The following TNS1 variants were observed in gnomAD, a reference collection of about 807,000 sequenced individuals.
TNS1 encodes the protein tensin 1, also known as tensin-1.
In TNS1, 62 loss-of-function variants were observed where a neutral mutation model predicts 168.6. That is an observed-to-expected ratio of 0.37 (90% CI 0.30 to 0.45). TNS1 has a LOEUF of 0.45. TNS1 is among the 20% of genes least tolerant of loss of function. TNS1 has a pLI of 1.00. For missense variants in TNS1, 2,240 were observed against 2,339.4 expected, an observed-to-expected ratio of 0.96 and a Z score of 0.88; for synonymous variants, 934 against 933.2, an observed-to-expected ratio of 1.00 and a Z score of -0.02.
Position 217,848,747 on chromosome 2 carries a change from G to T in TNS1, c.1770C>A (p.Ser590=). ...GAMYHTQHLR[S]RPAGGSAVPS... ...GCACAGCCGAGCCCCCTGCTGGGCG[G>T]GACCTGAGGTGCTGGGTGTGGTACA... Residue 590 remains serine, a synonymous_variant, in exon 19 of 33, where the codon TCC becomes TCA. Transcript: ENST00000682258. The T allele has an allele frequency of 6.2e-7, 1 of 1,614,212 alleles. No homozygotes were observed. Among genetic ancestry groups the T allele is most frequent in the African/African-American group, 1.3e-5 (1 of 75,068 alleles).
intron 30 of TNS1, among the ~76,000 whole-genome samples, chr2:217,809,392 G>C (rs370050818): frequency 6.5e-4 from 83 of 127,962 alleles, no homozygotes; most frequent in South Asian, 8.2e-4. Context: ...TGGATGGATG[G>C]ATGGATGGAT....
At chr2:217,972,938 A>G (rs1957804721) in intron 3 of TNS1, among the ~76,000 whole-genome samples, 1 of 152,256 alleles carries the variant, frequency 6.6e-6, no homozygotes, top group Admixed American at 6.5e-5. Context: ...AGTTTTACTT[A>G]AAATAATAAA....
rs200236649 is a variant in TNS1, at chr2:217,865,532, G to T, written c.1429+15366C>A. ...TCTCACTGCCCCTGGAGAAGGAGAA[G>T]AACACACATCAAAGAACACTTTGCT... is the stretch of plus-strand genomic sequence containing the variant. On this transcript the variant is annotated intron_variant, in intron 18 of 32. Coordinates refer to ENST00000682258, the MANE Select transcript of TNS1 (RefSeq NM_001387777.1). Among the ~76,000 whole-genome samples the T allele has an allele frequency of 1.4e-4, 22 of 152,342 alleles. No individual in the cohort carries two copies. The East Asian group carries it at 3.7e-3, about 25-fold the overall frequency.
intron 20 of TNS1, 64 bp from the exon 21 acceptor site, chr2:217,835,230 T>G: frequency 6.7e-7 from 1 of 1,491,862 alleles, no homozygotes; most frequent in Non-Finnish European, 9.2e-7. Flanking sequence ...CCCCTTCAGA[T>G]GACCTGAGGT....
chr2:217,947,650 G>A lies in TNS1; in HGVS notation c.187-27414C>T, dbSNP rs191759874. Among the ~76,000 whole-genome samples, 1,004 of 152,256 alleles carry A rather than the reference G, an allele frequency of 6.6e-3. 5 individuals are homozygous for A. Among genetic ancestry groups the A allele is most frequent in the Non-Finnish European group, 0.011 (743 of 68,028 alleles). The stretch of plus-strand genomic sequence containing the variant: ...GCACTTCCACTGGAAGAGAAGGGAC[G>A]CGACAGAAAGGGGACAAAGGACACA... On this transcript the variant is annotated intron_variant, in intron 3 of 32. Transcript: ENST00000682258.
intron 18 of TNS1, among the ~76,000 whole-genome samples, chr2:217,861,921 G>GACAT (rs1948818618): frequency 6.6e-6 from 1 of 152,152 alleles, no homozygotes; most frequent in African/African-American, 2.4e-5. Flanking sequence ...TAAGCTTCAG[G>GACAT]ACATACAATT....
intron 17 of TNS1, 24 bp from the exon 18 acceptor site, chr2:217,881,038 G>A (rs766764580): frequency 1.1e-5 from 17 of 1,532,882 alleles, no homozygotes; most frequent in East Asian, 6.7e-5. Context: ...GAAAGGCAGC[G>A]GCAGTCGGGG....
chr2:217,901,735 C>T (rs1953006898), intron 6 of TNS1: 1 of 152,208 alleles, frequency 6.6e-6, no homozygotes, highest in South Asian at 2.1e-4. Flanking sequence ...AAGTTGACGG[C>T]CAGGCAGGAT....
Position 218,031,056 on chromosome 2 carries a change from A to G in TNS1, c.156+2764T>C, listed in dbSNP as rs553711614. Among the ~76,000 whole-genome samples, 101 of 145,832 alleles carry G rather than the reference A, an allele frequency of 6.9e-4. 1 individual carries two copies. Among genetic ancestry groups the G allele is most frequent in the Admixed American group, 1.3e-3 (20 of 14,824 alleles). On this transcript the variant is annotated intron_variant, in intron 1 of 1. Coordinates refer to the TNS1 transcript ENST00000649572. ...TGTATGTGAGTGAGCATGTGAGCATATGTGTGAGTGTATGTGTGTGTTTGT... is the reference window on the plus strand; with the variant it reads ...TGTATGTGAGTGAGCATGTGAGCATGTGTGTGAGTGTATGTGTGTGTTTGT...
chr2:217,995,236 C>T lies in TNS1; in HGVS notation c.34-4180G>A, dbSNP rs1020347837. Among the ~76,000 whole-genome samples, 1 of 152,184 alleles carries T rather than the reference C, an allele frequency of 6.6e-6. No homozygotes were observed. The highest frequency in any genetic ancestry group is 1.5e-5 in the Non-Finnish European group (1 of 68,030). On this transcript the variant is annotated intron_variant, in intron 1 of 32. Coordinates refer to ENST00000682258, the MANE Select transcript of TNS1 (RefSeq NM_001387777.1). The surrounding 1 kb of genome is among the most constrained non-coding windows in gnomAD (Gnocchi z 4.1). ...TTAGTTCCGCTGTGAAACAGGGACA[C>T]TGCGCTGGTCTTGTTGAAACAGCTG... is the stretch of plus-strand genomic sequence containing the variant.
intron 3 of TNS1, among the ~76,000 whole-genome samples, chr2:217,926,237 C>T (rs1372118240): frequency 1.3e-5 from 2 of 152,190 alleles, no homozygotes; most frequent in Non-Finnish European, 2.9e-5. Context: ...TAAGAAAATT[C>T]ATTTCTATTG....
rs368001420 is a variant in TNS1, at chr2:217,818,738, C to T, written c.3594G>A (p.Pro1198=). The change falls in exon 24 of 33, where the codon CCG becomes CCA. Residue 1198 remains proline (P), a synonymous_variant. Coordinates refer to ENST00000682258, the MANE Select transcript of TNS1 (RefSeq NM_001387777.1). ...GACCCTGGTCACTGCTCTCTCCCGA[C>T]GGGAAACTCCCCACTGAAGTGCTGC... is the stretch of plus-strand genomic sequence containing the variant. ...SADSTSVGSF[P]SGESSDQGPR... is the part of the protein sequence containing the mutation. 1.2e-5 allele frequency: 19 copies of T among 1,611,612 alleles called. No individual in the cohort carries two copies. Among genetic ancestry groups the T allele is most frequent in the South Asian group, 3.3e-5 (3 of 90,946 alleles).
intron 22 of TNS1, chr2:217,830,221 G>A: frequency 9.2e-7 from 1 of 1,081,662 alleles, no homozygotes; most frequent in African/African-American, 1.6e-5. Flanking sequence ...AAGCAGGAGT[G>A]TGCTGGCTGG....
At chr2:217,809,791 A>G (rs13389312) in intron 30 of TNS1, 32 bp downstream of exon 30, 1 of 1,596,864 alleles carries the variant, frequency 6.3e-7, no homozygotes, top group Non-Finnish European at 8.6e-7. Flanking sequence ...AGGAAGGAGA[A>G]CCCCACCGAG....
intron 3 of TNS1, among the ~76,000 whole-genome samples, chr2:217,965,544 C>A (rs992401809): frequency 1.3e-5 from 2 of 152,136 alleles, no homozygotes; most frequent in African/African-American, 2.4e-5. Context: ...GCTCAGAGAA[C>A]TACAACTGAG....
intron 12 of TNS1, among the ~76,000 whole-genome samples, chr2:217,890,079 T>C (rs1006442118): frequency 2.6e-5 from 4 of 152,310 alleles, no homozygotes; most frequent in African/African-American, 9.6e-5. Flanking sequence ...CACTACTCAC[T>C]ATAGACCATG....
chr2:217,873,563 G>A (rs368196749), intron 18 of TNS1, among the ~76,000 whole-genome samples: 1 of 152,196 alleles, frequency 6.6e-6, no homozygotes, highest in African/African-American at 2.4e-5. Context: ...AGGTGAGAGA[G>A]AGCCAGCCCC....
chr2:217,933,274 C>T (rs914286968), intron 3 of TNS1, among the ~76,000 whole-genome samples: 3 of 152,210 alleles, frequency 2.0e-5, no homozygotes, highest in Non-Finnish European at 4.4e-5. Context: ...AGACCTGGCT[C>T]TCTGACTCGG....
Position 217,901,005 on chromosome 2 carries a change from G to C in TNS1, c.322-493C>G, listed in dbSNP as rs142336868. Among the ~76,000 whole-genome samples the C allele has an allele frequency of 2.5e-4, 38 of 152,264 alleles. No homozygotes were observed. The East Asian group carries it at 6.8e-3, about 27-fold the overall frequency. ...GTCATTCAATTGAGTTTAGAGACCA[G>C]AACAGGCAGGTGGAGCATGCAGGAA... On this transcript the variant is annotated intron_variant, in intron 6 of 32. Coordinates refer to ENST00000682258, the MANE Select transcript of TNS1 (RefSeq NM_001387777.1).
Sources: gnomAD v4.1 joint callset for allele counts (sites outside exome capture counted in the v4.1 genomes callset) on GRCh38, gnomAD v4.1.1 for gene constraint, Gnocchi (gnomAD v3.1) non-coding constraint, MANE v1.5 for transcripts, NCBI Gene and HGNC (gene_info 2026-07-23, HGNC 2026-07-21) for gene names.